APOF: variants seen among roughly 807,000 people sequenced by gnomAD.
APOF encodes the protein apolipoprotein F.
APOF carries 2 observed loss-of-function variants against 2.4 expected under a neutral mutation model. That is an observed-to-expected ratio of 0.83 (90% confidence interval 0.34 to 2.61). The LOEUF is 2.61. APOF is among the 30% of genes most tolerant of loss of function. The pLI, the probability that APOF is intolerant of heterozygous loss-of-function variation, is 0.11. For missense variants in APOF, 370 were observed against 388.7 expected (o/e 0.95, Z 0.40); for synonymous variants, 149 against 155.6 (o/e 0.96, Z 0.32).
Position 56,361,543 on chromosome 12 carries a change from C to G in APOF, c.663G>C (p.Leu221=). ...RERGRDGAID[L]GYDLLMTMAG... is the part of the protein sequence containing the mutation. ...CCATGGTCATCAGAAGGTCATATCC[C>G]AGATCTATGGCCCCATCTCGGCCTC... The change falls in exon 2 of 2, where the codon CTG becomes CTC. Residue 221 remains leucine (L), a synonymous_variant. Coordinates refer to ENST00000398189, the MANE Select transcript of APOF (RefSeq NM_001638.4). The G allele has an allele frequency of 6.2e-7, 1 of 1,614,078 alleles. No homozygotes were observed. The highest frequency in any genetic ancestry group is 8.5e-7 in the Non-Finnish European group (1 of 1,179,902).
intron 1 of APOF, 112 bp from the exon 2 acceptor site, chr12:56,362,301 C>G: frequency 7.6e-7 from 1 of 1,314,340 alleles, no homozygotes; most frequent in Non-Finnish European, 1.0e-6. Flanking sequence ...AGCTTTTGTA[C>G]TTTCTTTTTA....
Position 56,361,678 on chromosome 12 carries a change from C to T in APOF, c.528G>A (p.Glu176=), listed in dbSNP as rs1880362785. 1.2e-6 allele frequency: 2 copies of T among 1,611,540 alleles called. No individual in the cohort carries two copies. The highest frequency in any genetic ancestry group is 1.6e-4 in the Middle Eastern group (1 of 6,078). ...LPTEDCENEK[E]QAVHNVVQLL... ...GCTGGACTACATTGTGCACAGCTTG[C>T]TCCTTCTCATTCTCACAGTCCTCTG... Residue 176 remains glutamate, a synonymous_variant, in exon 2 of 2, where the codon GAG becomes GAA. Transcript: ENST00000398189.
At chr12:56,362,310 T>C in intron 1 of APOF, 121 bp from the exon 2 acceptor site, 1 of 1,207,324 alleles carries the variant, frequency 8.3e-7, no homozygotes, top group Non-Finnish European at 1.1e-6. Flanking sequence ...ACTTTCTTTT[T>C]AGAGACAGGG....
In APOF at chr12:56,361,720, G is replaced by C; in HGVS notation, c.486C>G (p.Val162=). The part of the protein sequence containing the change: ...LAREQQSTGR[V]GRSLPTEDCE... ...AGTCCTCTGTCGGGAGGGAGCGCCC[G>C]ACCCTTCCTGTGCTTTGCTGCTCCC... The change falls in exon 2 of 2, where the codon GTC becomes GTG. Residue 162 remains valine (V), a synonymous_variant. Coordinates refer to ENST00000398189, the MANE Select transcript of APOF (RefSeq NM_001638.4). 1.9e-6 allele frequency: 3 copies of C among 1,608,986 alleles called. No homozygotes were observed. Among genetic ancestry groups the C allele is most frequent in the Non-Finnish European group, 2.5e-6 (3 of 1,177,732 alleles).
At chr12:56,362,246 C>T (rs1880423266) in intron 1 of APOF, 57 bp from the exon 2 acceptor site, 1 of 1,564,108 alleles carries the variant, frequency 6.4e-7, no homozygotes, top group East Asian at 2.2e-5. Context: ...CGATGGTGAG[C>T]CCAAGACTCA....
Position 56,361,500 on chromosome 12 carries a change from GC to G in APOF, c.705del (p.Pro236LeufsTer4). Reference protein sequence around the residue: ...LLMTMAGMSGGPMGLAISAAL... With the variant: ...LLMTMAGMSGXPMGLAISAAL... ...GCAGCACTGATCGCTAGACCCATAG[GC>G]CCCCCTGACATCCCAGCCATGGTCA... is the stretch of plus-strand genomic sequence containing the variant. On this transcript the variant is annotated frameshift_variant, in exon 2 of 2. Transcript: ENST00000398189. LOFTEE classifies it low-confidence loss of function (END_TRUNC). 1.2e-6 allele frequency: 2 copies of G among 1,613,944 alleles called. No individual in the cohort carries two copies. The highest frequency in any genetic ancestry group is 1.6e-4 in the Middle Eastern group (1 of 6,062).
Position 56,362,799 on chromosome 12 carries a change from T to C in APOF, c.-54A>G. 1 of 1,602,038 alleles carries C rather than the reference T, an allele frequency of 6.2e-7. No individual in the cohort carries two copies. The highest frequency in any genetic ancestry group is 8.5e-7 in the Non-Finnish European group (1 of 1,169,842). On this transcript the variant is annotated 5_prime_UTR_variant, in exon 1 of 2. Coordinates refer to ENST00000398189, the MANE Select transcript of APOF (RefSeq NM_001638.4). ...GATCGCTTCCTGATCCTGTTCTGCC[T>C]AGTTCTGTGTCCCATGAGGAAAGGA...
At position 56,362,778 on chromosome 12, in the gene APOF, G is replaced by A. The variant is rs374428721; in HGVS notation, c.-33C>T. 304 of 1,613,028 alleles carry A rather than the reference G, an allele frequency of 1.9e-4. 2 individuals are homozygous for A. In the South Asian group the frequency reaches 2.4e-3, roughly 13 times the overall value. On this transcript the variant is annotated 5_prime_UTR_variant, in exon 1 of 2. The change creates a premature stop within an existing upstream ORF in the 5' untranslated region. Transcript: ENST00000398189. ...TGAGACTGCCTTGGTAGGTTTGATC[G>A]CTTCCTGATCCTGTTCTGCCTAGTT...
At position 56,362,764 on chromosome 12, in the gene APOF, T is replaced by A. The variant is rs778539582; in HGVS notation, c.-19A>T. 4 of 1,613,810 alleles carry A rather than the reference T, an allele frequency of 2.5e-6. No homozygotes were observed. The highest frequency in any genetic ancestry group is 3.4e-6 in the Non-Finnish European group (4 of 1,179,786). The stretch of plus-strand genomic sequence containing the variant: ...CAGTCATTGAGAAGTGAGACTGCCT[T>A]GGTAGGTTTGATCGCTTCCTGATCC... On this transcript the variant is annotated 5_prime_UTR_variant, in exon 1 of 2. Transcript: ENST00000398189.
In APOF at chr12:56,362,140, A is replaced by T; in HGVS notation, c.66T>A (p.Val22=). ...MRGLRLIMIP[V]ELLLCYLLLH... is the part of the protein sequence containing the mutation. ...GCAGGAGGTAGCAAAGTAGCAGCTC[A>T]ACTGGTATCATGATGAGTCTGAGGC... Residue 22 remains valine (V), a synonymous_variant, in exon 2 of 2, where the codon GTT becomes GTA. Coordinates refer to ENST00000398189, the MANE Select transcript of APOF (RefSeq NM_001638.4). 6.2e-7 allele frequency: 1 copy of T among 1,613,484 alleles called. No individual in the cohort carries two copies. The highest frequency in any genetic ancestry group is 1.1e-5 in the South Asian group (1 of 91,052).
rs912235604 is a variant in APOF at position 56,361,743 on chromosome 12, C to T, written c.463G>A (p.Glu155Lys). The part of the protein sequence containing the change: ...LASALQLLAR[E>K]QQSTGRVGRS... ...CCGACCCTTCCTGTGCTTTGCTGCTCCCTGGCTAACAGCTGCAGAGCAGAG... is the reference window on the plus strand; with the variant it reads ...CCGACCCTTCCTGTGCTTTGCTGCTTCCTGGCTAACAGCTGCAGAGCAGAG... The change falls in exon 2 of 2, where the codon GAG (glutamate) becomes AAG (lysine). Residue 155 changes from glutamate (E) to lysine (K), a missense_variant. By Grantham distance (56) the Glu-to-Lys change is moderately conservative. Coordinates refer to ENST00000398189, the MANE Select transcript of APOF (RefSeq NM_001638.4). The T allele has an allele frequency of 2.5e-6, 4 of 1,609,242 alleles. No homozygotes were observed. The highest frequency in any genetic ancestry group is 3.4e-5 in the Admixed American group (2 of 58,980).
rs1399417058 is a variant in APOF, at chr12:56,361,769, G to T, written c.437C>A (p.Ala146Asp). ...TERNVSVEAL[A>D]SALQLLAREQ... is the part of the protein sequence containing the mutation. ...CCTGGCTAACAGCTGCAGAGCAGAGGCCAGGGCTTCCACTGACACGTTCCT... is the reference window on the plus strand; with the variant it reads ...CCTGGCTAACAGCTGCAGAGCAGAGTCCAGGGCTTCCACTGACACGTTCCT... Residue 146 changes from alanine (A) to aspartate (D), a missense_variant, in exon 2 of 2, where the codon GCC (alanine) becomes GAC (aspartate). Transcript: ENST00000398189. 3.7e-6 allele frequency: 6 copies of T among 1,610,222 alleles called. No homozygotes were observed. The highest frequency in any genetic ancestry group is 5.1e-6 in the Non-Finnish European group (6 of 1,178,312).
In APOF at chr12:56,361,299, AACTTACT is replaced by A. The variant is rs2136109076; in HGVS notation, c.900_906del (p.Val301GlnfsTer9). 6.2e-7 allele frequency: 1 copy of A among 1,614,048 alleles called. No individual in the cohort carries two copies. Among genetic ancestry groups the A allele is most frequent in the Non-Finnish European group, 8.5e-7 (1 of 1,179,900 alleles). On this transcript the variant is annotated frameshift_variant, in exon 2 of 2. Transcript: ENST00000398189. LOFTEE classifies it low-confidence loss of function (END_TRUNC). ...ATGGCCCACCCCCAGTAGGGAGCTG[AACTTACT>A]ACTTCTGATATGAAAGAAGCCAGAG...
rs1315053136 is a variant in APOF at position 56,361,616 on chromosome 12, G to T, written c.590C>A (p.Thr197Lys). The T allele has an allele frequency of 1.2e-6, 2 of 1,613,966 alleles. No individual in the cohort carries two copies. Among genetic ancestry groups the T allele is most frequent in the South Asian group, 2.2e-5 (2 of 91,072 alleles). ...PGVGTFYNLGTALYYATQNCL... is the reference protein window; with the variant it reads ...PGVGTFYNLGKALYYATQNCL... Reference sequence around the variant, plus strand: ...GTTTTGAGTAGCATAATACAAAGCTGTGCCCAGGTTGTAGAAGGTTCCCAC... The same window carrying T: ...GTTTTGAGTAGCATAATACAAAGCTTTGCCCAGGTTGTAGAAGGTTCCCAC... The change falls in exon 2 of 2, where the codon ACA (threonine) becomes AAA (lysine). Residue 197 changes from threonine to lysine, a missense_variant. Coordinates refer to ENST00000398189, the MANE Select transcript of APOF (RefSeq NM_001638.4).
In APOF at chr12:56,361,426, G is replaced by GTAA. The variant is rs1565665513; in HGVS notation, c.777_779dup (p.Tyr260dup). 6.2e-7 allele frequency: 1 copy of GTAA among 1,614,024 alleles called. No individual in the cohort carries two copies. The highest frequency in any genetic ancestry group is 1.1e-5 in the South Asian group (1 of 91,086). On this transcript the variant is annotated inframe_insertion, in exon 2 of 2. Transcript: ENST00000398189. ...AGATGTTTGCGTCTTTCTGATCTTG[G>GTAA]TAATACTGGATCAACTGCTGAACCC... is the stretch of plus-strand genomic sequence containing the variant.
chr12:56,361,773 G>C lies in APOF; in HGVS notation c.433C>G (p.Leu145Val). Reference protein sequence around the residue: ...STERNVSVEALASALQLLARE... With the variant: ...STERNVSVEAVASALQLLARE... ...GCTAACAGCTGCAGAGCAGAGGCCA[G>C]GGCTTCCACTGACACGTTCCTCTCT... The change falls in exon 2 of 2, where the codon CTG becomes GTG. Residue 145 changes from leucine (L) to valine (V), a missense_variant. Coordinates refer to ENST00000398189, the MANE Select transcript of APOF (RefSeq NM_001638.4). 2 of 1,610,710 alleles carry C rather than the reference G, an allele frequency of 1.2e-6. No homozygotes were observed. The highest frequency in any genetic ancestry group is 1.7e-6 in the Non-Finnish European group (2 of 1,178,468).
Position 56,361,500 on chromosome 12 carries a change from G to A in APOF, c.706C>T (p.Pro236Ser), listed in dbSNP as rs1477579897. Residue 236 changes from proline to serine, a missense_variant, in exon 2 of 2, where the codon CCT (proline) becomes TCT (serine). Coordinates refer to ENST00000398189, the MANE Select transcript of APOF (RefSeq NM_001638.4). ...GCAGCACTGATCGCTAGACCCATAG[G>A]CCCCCCTGACATCCCAGCCATGGTC... is the stretch of plus-strand genomic sequence containing the variant. ...LMTMAGMSGG[P>S]MGLAISAALK... The A allele has an allele frequency of 1.9e-6, 3 of 1,613,944 alleles. No individual in the cohort carries two copies. Among genetic ancestry groups the A allele is most frequent in the Non-Finnish European group, 1.7e-6 (2 of 1,179,886 alleles).
chr12:56,361,880 A>G lies in APOF; in HGVS notation c.326T>C (p.Leu109Pro), dbSNP rs771898914. ...GCQADVWALQLQLYRQGGVNA... is the reference protein window; with the variant it reads ...GCQADVWALQPQLYRQGGVNA... ...CACACCACCCTGGCGGTAGAGCTGT[A>G]GCTGTAGAGCCCAAACATCAGCCTG... Residue 109 changes from leucine (L) to proline (P), a missense_variant, in exon 2 of 2, where the codon CTA becomes CCA. Transcript: ENST00000398189. 3 of 1,613,846 alleles carry G rather than the reference A, an allele frequency of 1.9e-6. No homozygotes were observed. The highest frequency in any genetic ancestry group is 1.7e-5 in the Admixed American group (1 of 59,966).
intron 1 of APOF, 25 bp downstream of exon 1, chr12:56,362,705 C>A: frequency 6.2e-7 from 1 of 1,613,462 alleles, no homozygotes; most frequent in Non-Finnish European, 8.5e-7. Context: ...TTTATTTCCA[C>A]CCATATATAG....
Sources: gnomAD v4.1 joint callset for allele counts on GRCh38, gnomAD v4.1.1 for gene constraint, MANE v1.5 for transcripts, NCBI Gene and HGNC (gene_info 2026-07-23, HGNC 2026-07-21) for gene names.